Variants in BNC2 observed in about 807,000 individuals in gnomAD.
BNC2 encodes basonuclin zinc finger protein 2.
BNC2 carries 20 observed loss-of-function variants against 76.3 expected under a neutral mutation model. That is an observed-to-expected ratio of 0.26 (90% confidence interval 0.18 to 0.38). The LOEUF (loss-of-function observed/expected upper bound fraction) is 0.38, where lower values mean the gene tolerates loss of function less well. BNC2 is among the 10% of genes least tolerant of loss of function. The probability of loss-of-function intolerance (pLI) is 1.00; values close to 1 mark genes in which losing one functional copy is unlikely to be tolerated. For missense variants in BNC2, 1,382 were observed against 1,399.8 expected (o/e 0.99, Z 0.20); for synonymous variants, 582 against 514.8 (o/e 1.13, Z -1.77).
intron 5 of BNC2, among the ~76,000 whole-genome samples, chr9:16,536,407 G>T (rs1341364093): frequency 6.6e-6 from 1 of 152,104 alleles, no homozygotes; most frequent in Non-Finnish European, 1.5e-5. Flanking sequence ...TTCTGTAGAA[G>T]GTCTCAAAAG....
At chr9:16,726,036 G>A (rs1417490886) in intron 3 of BNC2, among the ~76,000 whole-genome samples, 1 of 149,824 alleles carries the variant, frequency 6.7e-6, no homozygotes, top group Non-Finnish European at 1.5e-5. Context: ...CTAACTCAAG[G>A]AAAACCCTGA....
chr9:16,617,336 A>T (rs1291231730), intron 3 of BNC2, among the ~76,000 whole-genome samples: 1 of 152,198 alleles, frequency 6.6e-6, no homozygotes, highest in African/African-American at 2.4e-5. Flanking sequence ...AATTGAAAAC[A>T]TCATTCTATG....
intron 3 of BNC2, among the ~76,000 whole-genome samples, chr9:16,660,771 A>G (rs1822089321): frequency 6.6e-6 from 1 of 152,198 alleles, no homozygotes; most frequent in South Asian, 2.1e-4. Flanking sequence ...CAACACAACA[A>G]TAAAAATAAT....
chr9:16,744,133 AT>A (rs368807707), intron 1 of BNC2, among the ~76,000 whole-genome samples: 1 of 151,124 alleles, frequency 6.6e-6, no homozygotes, highest in Non-Finnish European at 1.5e-5. Flanking sequence ...CGCCCGGCTA[AT>A]TTTTTTTTGT....
chr9:16,719,181 A>C (rs1661187570), intron 3 of BNC2, among the ~76,000 whole-genome samples: 1 of 152,116 alleles, frequency 6.6e-6, no homozygotes, highest in Non-Finnish European at 1.5e-5. Context: ...ATTACTCCCC[A>C]TATCTTGCCG....
intron 5 of BNC2, among the ~76,000 whole-genome samples, chr9:16,459,251 C>T (rs1821521435): frequency 6.6e-6 from 1 of 152,154 alleles, no homozygotes; most frequent in Admixed American, 6.5e-5. Flanking sequence ...GACCTTCCTG[C>T]ACCTCTACAA....
intron 1 of BNC2, among the ~76,000 whole-genome samples, chr9:16,831,455 A>T (rs906676819): frequency 2.6e-5 from 4 of 152,254 alleles, no homozygotes; most frequent in African/African-American, 9.6e-5. Context: ...AAAATTTCTT[A>T]AACAGAACTT....
At chr9:16,656,294 A>G (rs1203274437) in intron 3 of BNC2, among the ~76,000 whole-genome samples, 1 of 152,212 alleles carries the variant, frequency 6.6e-6, no homozygotes, top group Non-Finnish European at 1.5e-5. Flanking sequence ...AGGAGACAAG[A>G]AAAGTGGTTA....
chr9:16,648,313 C>A (rs772146816), intron 3 of BNC2, among the ~76,000 whole-genome samples: 6 of 152,164 alleles, frequency 3.9e-5, no homozygotes, highest in Non-Finnish European at 7.3e-5. Flanking sequence ...TTCAGAGATT[C>A]TTTGGGTTTC....
Position 16,791,356 on chromosome 9 carries a change from C to T in BNC2, c.4-52871G>A, listed in dbSNP as rs149554570. ...GATTACAGGCATGAGCCACCGCGCC[C>T]GGCCACAATTATAGTTAATGTAACA... On this transcript the variant is annotated intron_variant, in intron 1 of 6. Coordinates refer to ENST00000380672, the MANE Select transcript of BNC2 (RefSeq NM_017637.6). Among the ~76,000 whole-genome samples the T allele has an allele frequency of 3.6e-3, 543 of 152,242 alleles. 4 individuals are homozygous for T. The highest frequency in any genetic ancestry group is 0.012 in the African/African-American group (516 of 41,540).
intron 3 of BNC2, among the ~76,000 whole-genome samples, chr9:16,668,162 A>C (rs1233899224): frequency 6.6e-6 from 1 of 152,182 alleles, no homozygotes; most frequent in Non-Finnish European, 1.5e-5. Flanking sequence ...TTCTAAAGGA[A>C]GGAGACCTCA....
chr9:16,480,927 T>C (rs908820787), intron 5 of BNC2, among the ~76,000 whole-genome samples: 5 of 152,332 alleles, frequency 3.3e-5, no homozygotes, highest in East Asian at 1.9e-4. Context: ...CAGCTCCACC[T>C]GCAGCCTGGT....
At chr9:16,511,036 G>C (rs1347157908) in intron 5 of BNC2, among the ~76,000 whole-genome samples, 4 of 151,728 alleles carry the variant, frequency 2.6e-5, no homozygotes, top group Middle Eastern at 3.4e-3. Flanking sequence ...GCAAAACTTG[G>C]AATAGCCACT....
chr9:16,533,843 T>C (rs1445275294), intron 5 of BNC2, among the ~76,000 whole-genome samples: 3 of 152,176 alleles, frequency 2.0e-5, no homozygotes, highest in Non-Finnish European at 4.4e-5. Context: ...TAGGTCTTCC[T>C]ATAGCAGCAG....
At chr9:16,841,900 C>A (rs1818838774) in intron 1 of BNC2, among the ~76,000 whole-genome samples, 2 of 152,032 alleles carry the variant, frequency 1.3e-5, no homozygotes, top group Admixed American at 6.5e-5. Context: ...ACCTCCACCT[C>A]CCGAGTTCAA....
chr9:16,679,666 A>G (rs1345955638), intron 3 of BNC2, among the ~76,000 whole-genome samples: 1 of 152,188 alleles, frequency 6.6e-6, no homozygotes, highest in Non-Finnish European at 1.5e-5. Context: ...GACGTTCCCT[A>G]GATGCGCGGG....
At chr9:16,459,241 G>A (rs1821521234) in intron 5 of BNC2, among the ~76,000 whole-genome samples, 1 of 152,154 alleles carries the variant, frequency 6.6e-6, no homozygotes, top group Middle Eastern at 3.2e-3. Context: ...CCTATAGCAT[G>A]ACCTTCCTGC....
At chr9:16,762,457 C>T (rs1010515270) in intron 1 of BNC2, among the ~76,000 whole-genome samples, 4 of 152,090 alleles carry the variant, frequency 2.6e-5, no homozygotes, top group African/African-American at 9.7e-5. Flanking sequence ...GCCCACAATC[C>T]ACTTCAAAAC....
chr9:16,749,794 C>A (rs1041535815), intron 1 of BNC2, among the ~76,000 whole-genome samples: 2 of 151,896 alleles, frequency 1.3e-5, no homozygotes, highest in African/African-American at 4.8e-5. Flanking sequence ...GATTAGAAAG[C>A]GTATATACAG....
Sources: gnomAD v4.1 joint callset for allele counts (sites outside exome capture counted in the v4.1 genomes callset) on GRCh38, gnomAD v4.1.1 for gene constraint, MANE v1.5 for transcripts, NCBI Gene and HGNC (gene_info 2026-07-23, HGNC 2026-07-21) for gene names.